ITGBL1: variants seen among roughly 807,000 people sequenced by gnomAD.
The protein encoded by ITGBL1 is integrin subunit beta like 1, also known as integrin beta-like protein 1.
Under a neutral mutation model 68.5 loss-of-function variants are expected in ITGBL1, and 51 were observed. The observed-to-expected ratio is 0.74, with a 90% CI of 0.59 to 0.94. The LOEUF is 0.94. ITGBL1 is among the 40% of genes least tolerant of loss of function. The probability of loss-of-function intolerance (pLI) is 0.00; values close to 1 mark genes in which losing one functional copy is unlikely to be tolerated. For synonymous variants in ITGBL1, 209 were observed against 227.3 expected (o/e 0.92, Z 0.72); for missense variants, 649 against 647.4 (o/e 1.00, Z -0.03).
At chr13:101,555,573 G>A (rs895343141) in intron 2 of ITGBL1, among the ~76,000 whole-genome samples, 6 of 152,068 alleles carry the variant, frequency 3.9e-5, no homozygotes, top group African/African-American at 1.4e-4. Context: ...AAGGGGTGGC[G>A]TTTAGGAATC....
At chr13:101,547,183 A>C (rs2049840675) in intron 2 of ITGBL1, among the ~76,000 whole-genome samples, 1 of 150,742 alleles carries the variant, frequency 6.6e-6, no homozygotes, top group African/African-American at 2.4e-5. Context: ...TTTTCCTTTT[A>C]GAATTTATTG....
rs2050276829 is a variant in ITGBL1 at position 101,571,770 on chromosome 13, C to T, written c.464-3654C>T. 2.0e-5 allele frequency among the ~76,000 whole-genome samples: 3 copies of T among 152,088 alleles called. No individual in the cohort carries two copies. In the South Asian group the frequency reaches 6.2e-4, roughly 32 times the overall value. On this transcript the variant is annotated intron_variant, in intron 3 of 10. Transcript: ENST00000376180. ...TGCTTTCATTCCATGTGTTCTTTTG[C>T]ACTCTGCTTTTACGACTCAACATAA...
intron 2 of ITGBL1, among the ~76,000 whole-genome samples, chr13:101,506,611 C>A (rs1254207711): frequency 6.6e-6 from 1 of 152,192 alleles, no homozygotes; most frequent in African/African-American, 2.4e-5. Flanking sequence ...CAACCGTCAC[C>A]TGCAGGCTGC....
At chr13:101,690,187 T>G (rs188417022) in intron 7 of ITGBL1, among the ~76,000 whole-genome samples, 1 of 152,270 alleles carries the variant, frequency 6.6e-6, no homozygotes, top group Admixed American at 6.5e-5. Context: ...GGAAAGAAAA[T>G]GTGCCGACGC....
intron 6 of ITGBL1, among the ~76,000 whole-genome samples, chr13:101,588,240 C>T (rs2050591389): frequency 6.6e-6 from 1 of 151,682 alleles, no homozygotes; most frequent in Admixed American, 6.6e-5. Flanking sequence ...GTATTTTGGG[C>T]TGCAGTCATT....
intron 2 of ITGBL1, among the ~76,000 whole-genome samples, chr13:101,530,839 A>T (rs1320137012): frequency 6.6e-6 from 1 of 152,224 alleles, no homozygotes; most frequent in African/African-American, 2.4e-5. Context: ...GTAAGCAGCA[A>T]CAGTTTCTAA....
intron 7 of ITGBL1, among the ~76,000 whole-genome samples, chr13:101,642,033 G>A (rs547296274): frequency 8.5e-4 from 129 of 152,066 alleles, no homozygotes; most frequent in Non-Finnish European, 1.5e-3. Context: ...ACGTGTGCAT[G>A]TGTCTTTATA....
At chr13:101,608,446 A>G (rs1265413427) in intron 7 of ITGBL1, among the ~76,000 whole-genome samples, 7 of 147,256 alleles carry the variant, frequency 4.8e-5, no homozygotes, top group Non-Finnish European at 7.5e-5. Context: ...TACCTTTCTT[A>G]TTCATGTTTA....
chr13:101,685,686 C>T (rs887483852), intron 7 of ITGBL1, among the ~76,000 whole-genome samples: 1 of 152,026 alleles, frequency 6.6e-6, no homozygotes, highest in Non-Finnish European at 1.5e-5. Flanking sequence ...CAGGGGATGA[C>T]TCTAGGCCAG....
chr13:101,709,076 A>G (rs1355751905), intron 9 of ITGBL1, among the ~76,000 whole-genome samples: 1 of 152,216 alleles, frequency 6.6e-6, no homozygotes, highest in South Asian at 2.1e-4. Flanking sequence ...TAAGGAAGAA[A>G]AGCAGGAGGC....
intron 2 of ITGBL1, among the ~76,000 whole-genome samples, chr13:101,497,124 T>C (rs923443115): frequency 1.3e-5 from 2 of 152,212 alleles, no homozygotes; most frequent in African/African-American, 4.8e-5. Flanking sequence ...CCTTACAGGA[T>C]GAGAGAAGCT....
chr13:101,705,203 T>TCTGG (rs2034229202), intron 8 of ITGBL1, among the ~76,000 whole-genome samples: 2 of 149,790 alleles, frequency 1.3e-5, no homozygotes, highest in Non-Finnish European at 3.0e-5. Context: ...CCAGACCTTC[T>TCTGG]CTGGCTGTTA....
intron 2 of ITGBL1, among the ~76,000 whole-genome samples, chr13:101,472,643 T>C (rs112468712): frequency 6.6e-6 from 1 of 152,244 alleles, no homozygotes; most frequent in Non-Finnish European, 1.5e-5. Context: ...ACACAGGCAT[T>C]GGGTGGCCAG....
chr13:101,659,880 G>A (rs1425269406), intron 7 of ITGBL1, among the ~76,000 whole-genome samples: 1 of 152,138 alleles, frequency 6.6e-6, no homozygotes, highest in Non-Finnish European at 1.5e-5. Context: ...GAGATATGAT[G>A]CAACTCAGCC....
At chr13:101,539,818 T>G (rs983123360) in intron 2 of ITGBL1, among the ~76,000 whole-genome samples, 11 of 152,156 alleles carry the variant, frequency 7.2e-5, no homozygotes, top group East Asian at 1.9e-4. Flanking sequence ...ATGAGCATTT[T>G]TTCATGTGTC....
chr13:101,604,887 T>TACACATACATACACACACAC (rs1555361673), intron 7 of ITGBL1, among the ~76,000 whole-genome samples: 1 of 22,164 alleles, frequency 4.5e-5, no homozygotes, highest in Non-Finnish European at 8.2e-5. Flanking sequence ...TATATATATA[T>TACACATACATACACACACAC]ACACACACAC....
At chr13:101,505,244 G>A (rs2049009071) in intron 2 of ITGBL1, among the ~76,000 whole-genome samples, 1 of 152,126 alleles carries the variant, frequency 6.6e-6, no homozygotes, top group South Asian at 2.1e-4. Flanking sequence ...TTGTCATTTG[G>A]CTTTGACAAT....
intron 7 of ITGBL1, among the ~76,000 whole-genome samples, chr13:101,690,269 C>T (rs369442895): frequency 1.2e-4 from 18 of 152,192 alleles, no homozygotes; most frequent in South Asian, 4.2e-4. Context: ...ATGAAAACAA[C>T]GGAATGTTGA....
chr13:101,567,645 G>T, intron 2 of ITGBL1, 54 bp from the exon 3 acceptor site: 2 of 1,555,702 alleles, frequency 1.3e-6, no homozygotes, highest in African/African-American at 2.7e-5. Context: ...TGTTACAGTA[G>T]TGGTTATCTT....
Sources: allele counts gnomAD v4.1 joint callset (sites outside exome capture counted in the v4.1 genomes callset), GRCh38; gene constraint gnomAD v4.1.1; transcripts MANE v1.5; gene names NCBI Gene and HGNC (gene_info 2026-07-23, HGNC 2026-07-21).